Variants in PRKCQ observed in about 807,000 individuals in gnomAD.
PRKCQ encodes protein kinase C theta, also known as protein kinase C theta type.
In PRKCQ, 41 loss-of-function variants were observed where a neutral mutation model predicts 91.2. The ratio of observed to expected loss-of-function variants is 0.45; its 90% CI spans 0.35 to 0.58. PRKCQ has a LOEUF of 0.58. Among genes scored for constraint, PRKCQ ranks in the 20% least tolerant of loss-of-function variants. PRKCQ has a pLI of 0.00. For missense variants in PRKCQ, 673 were observed against 896.5 expected, an observed-to-expected ratio of 0.75 and a Z score of 3.18; for synonymous variants, 307 against 316.9, an observed-to-expected ratio of 0.97 and a Z score of 0.33.
chr10:6,525,967 C>T (rs1444903323), intron 1 of PRKCQ, among the ~76,000 whole-genome samples: 1 of 152,192 alleles, frequency 6.6e-6, no homozygotes, highest in Non-Finnish European at 1.5e-5. Flanking sequence ...TAATCACCCA[C>T]AATCTGCTGG....
chr10:6,439,678 T>C (rs1382488263), intron 16 of PRKCQ, among the ~76,000 whole-genome samples: 3 of 116,336 alleles, frequency 2.6e-5, no homozygotes, highest in African/African-American at 8.9e-5. Flanking sequence ...TCCTATAATT[T>C]TCTTAATAGA....
At chr10:6,483,745 A>G (rs1393307933) in intron 10 of PRKCQ, 145 bp from the exon 11 acceptor site, 1 of 923,680 alleles carries the variant, frequency 1.1e-6, no homozygotes, top group Non-Finnish European at 1.6e-6. Context: ...CCTACAGTTC[A>G]GGCAGCTTTA....
chr10:6,446,891 C>G (rs1293188286), intron 15 of PRKCQ, among the ~76,000 whole-genome samples: 1 of 152,220 alleles, frequency 6.6e-6, no homozygotes, highest in African/African-American at 2.4e-5. Context: ...CCAGAGCAAG[C>G]CTCATCTGTT....
downstream of PRKCQ, among the ~76,000 whole-genome samples, chr10:6,424,352 C>T (rs573849498): frequency 6.6e-6 from 1 of 152,266 alleles, no homozygotes; most frequent in South Asian, 2.1e-4. Context: ...TCATCTAGCT[C>T]GAGAGGGCAG....
intron 1 of PRKCQ, among the ~76,000 whole-genome samples, chr10:6,568,231 C>A (rs956371572): frequency 6.6e-6 from 1 of 151,574 alleles, no homozygotes; most frequent in Non-Finnish European, 1.5e-5. Flanking sequence ...AAGAAAAAAA[C>A]AAAACAAAAC....
rs1425519489 is a variant in PRKCQ, at chr10:6,576,489, A to G, written c.-10+3722T>C. 6.6e-6 allele frequency among the ~76,000 whole-genome samples: 1 copy of G among 152,232 alleles called. No individual in the cohort carries two copies. Among genetic ancestry groups the G allele is most frequent in the Non-Finnish European group, 1.5e-5 (1 of 68,052 alleles). On this transcript the variant is annotated intron_variant, in intron 1 of 17. Coordinates refer to ENST00000263125, the MANE Select transcript of PRKCQ (RefSeq NM_006257.5). The surrounding 1 kb of genome is among the most constrained non-coding windows in gnomAD (Gnocchi z 4.2). ...TATTCTGCTTCTGTGAGGTCCCTAGAGCAGTCAGAATCTTAGAGACAGGAA... is the reference window on the plus strand; with the variant it reads ...TATTCTGCTTCTGTGAGGTCCCTAGGGCAGTCAGAATCTTAGAGACAGGAA...
intron 13 of PRKCQ, among the ~76,000 whole-genome samples, chr10:6,464,003 G>A (rs1198861219): frequency 1.3e-5 from 2 of 152,230 alleles, no homozygotes; most frequent in Non-Finnish European, 2.9e-5. Flanking sequence ...CTTGAGGTCT[G>A]CAGTCCATTT....
At chr10:6,477,103 A>G (rs946074195) in intron 12 of PRKCQ, among the ~76,000 whole-genome samples, 1 of 152,106 alleles carries the variant, frequency 6.6e-6, no homozygotes, top group African/African-American at 2.4e-5. Context: ...ACTCTTTTCT[A>G]CTTCCTCTCC....
intron 1 of PRKCQ, among the ~76,000 whole-genome samples, chr10:6,569,945 G>T (rs1477759630): frequency 6.6e-6 from 1 of 152,106 alleles, no homozygotes; most frequent in African/African-American, 2.4e-5. Context: ...CGAGGAGATA[G>T]GTATGGAGGC....
At chr10:6,425,335 C>T (rs754165172), downstream of PRKCQ, among the ~76,000 whole-genome samples, 2 of 151,938 alleles carry the variant, frequency 1.3e-5, no homozygotes, top group African/African-American at 4.8e-5. Flanking sequence ...AGCGATTCTC[C>T]TGCCTCAGCC....
intron 12 of PRKCQ, among the ~76,000 whole-genome samples, chr10:6,466,128 C>T (rs573180644): frequency 5.3e-5 from 8 of 152,338 alleles, no homozygotes; most frequent in African/African-American, 1.9e-4. Context: ...AAGTGTAGAG[C>T]GAAACCATTT....
At chr10:6,514,803 T>C (rs1838668075) in intron 2 of PRKCQ, among the ~76,000 whole-genome samples, 1 of 152,154 alleles carries the variant, frequency 6.6e-6, no homozygotes, top group Admixed American at 6.5e-5. Context: ...TACAGTGCAA[T>C]AGAGCACCGG....
intron 1 of PRKCQ, among the ~76,000 whole-genome samples, chr10:6,527,835 T>A (rs750349449): frequency 4.6e-5 from 7 of 152,150 alleles, no homozygotes; most frequent in Admixed American, 6.5e-5. Flanking sequence ...AAAACAAGCC[T>A]ATGCCGATTG....
chr10:6,470,289 C>T (rs1016171151), intron 12 of PRKCQ, among the ~76,000 whole-genome samples: 1 of 122,916 alleles, frequency 8.1e-6, no homozygotes, highest in South Asian at 2.3e-4. Context: ...TATCACCTTT[C>T]CCCCCTGCTC....
chr10:6,523,904 G>A (rs912283558), intron 1 of PRKCQ, among the ~76,000 whole-genome samples: 2 of 152,148 alleles, frequency 1.3e-5, no homozygotes, highest in African/African-American at 2.4e-5. Context: ...ACGACTCTCA[G>A]TGGAGTCCCA....
In PRKCQ at chr10:6,497,767, A is replaced by G. The variant is rs569228197; in HGVS notation, c.543-516T>C. Among the ~76,000 whole-genome samples, 62 of 152,320 alleles carry G rather than the reference A, an allele frequency of 4.1e-4. No individual in the cohort carries two copies. The highest frequency in any genetic ancestry group is 7.6e-4 in the Non-Finnish European group (52 of 68,012). ...GAAAGCAGGCTGATGAAAACCCGCC[A>G]AGTCGATCTGGCATGTGGATACCCT... On this transcript the variant is annotated intron_variant, in intron 5 of 17. Transcript: ENST00000263125. This position sits in a 1 kb window ranked among gnomAD's most constrained non-coding sequence, Gnocchi z 4.5.
At chr10:6,445,008 C>T (rs757144422) in intron 15 of PRKCQ, among the ~76,000 whole-genome samples, 3 of 151,754 alleles carry the variant, frequency 2.0e-5, no homozygotes, top group Non-Finnish European at 4.4e-5. Flanking sequence ...CCTGTAATCC[C>T]AGCTACTCGG....
chr10:6,510,998 T>C lies in PRKCQ; in HGVS notation c.315A>G (p.Ile105Met). 1 of 1,614,070 alleles carries C rather than the reference T, an allele frequency of 6.2e-7. No homozygotes were observed. The highest frequency in any genetic ancestry group is 8.5e-7 in the Non-Finnish European group (1 of 1,179,962). Residue 105 changes from isoleucine to methionine, a missense_variant, in exon 3 of 18, where the codon ATA (isoleucine) becomes ATG (methionine). Ile to Met is a conservative substitution (Grantham distance 10). Transcript: ENST00000263125. The part of the protein sequence containing the change: ...RCRKNNGKTE[I>M]WLELKPQGRM... Reference sequence around the variant, plus strand: ...CATACACTTTATGCAACGTTACCCATATTTCTGTCTTCCCGTTGTTCTTCC... The same window carrying C: ...CATACACTTTATGCAACGTTACCCACATTTCTGTCTTCCCGTTGTTCTTCC...
chr10:6,534,275 G>T (rs996558285), intron 1 of PRKCQ, among the ~76,000 whole-genome samples: 1 of 151,860 alleles, frequency 6.6e-6, no homozygotes, highest in Non-Finnish European at 1.5e-5. Context: ...ATGCCAAAAA[G>T]CTCTAAAAAT....
Sources: allele counts gnomAD v4.1 joint callset (sites outside exome capture counted in the v4.1 genomes callset), GRCh38; gene constraint gnomAD v4.1.1; non-coding constraint Gnocchi (gnomAD v3.1); transcripts MANE v1.5; gene names NCBI Gene and HGNC (gene_info 2026-07-23, HGNC 2026-07-21).